The following HHIP variants were observed in gnomAD, a reference collection of about 807,000 sequenced individuals.
HHIP encodes hedgehog interacting protein.
Under a neutral mutation model 74.0 loss-of-function variants are expected in HHIP, and 12 were observed. The ratio of observed to expected loss-of-function variants is 0.16; its 90% CI spans 0.10 to 0.26. The LOEUF is 0.26. HHIP is among the 10% of genes least tolerant of loss of function. The probability of loss-of-function intolerance (pLI) is 1.00; values close to 1 mark genes in which losing one functional copy is unlikely to be tolerated. For synonymous variants in HHIP, 309 were observed against 311.6 expected (o/e 0.99, Z 0.09); for missense variants, 788 against 845.0 (o/e 0.93, Z 0.84).
At position 144,743,627 on chromosome 4, in the gene HHIP, TGTA is replaced by T. The variant is rs1219571537; in HGVS notation, c.*5671_*5673del. The T allele has an allele frequency of 6.6e-6, 1 of 152,062 alleles. No individual in the cohort carries two copies. Among genetic ancestry groups the T allele is most frequent in the Non-Finnish European group, 1.5e-5 (1 of 67,966 alleles). 9.4% of individuals were successfully genotyped at this position (152,062 alleles called of 1,614,324 possible). On this transcript the variant is annotated 3_prime_UTR_variant, in exon 13 of 13. Transcript: ENST00000296575. ...ATTACTTAAATCCAAAATACATGTG[TGTA>T]TATATATACATATATATGTAACTTA...
In HHIP at chr4:144,745,208, T is replaced by A. The variant is rs1731347795; in HGVS notation, c.*7251T>A. 6.6e-6 allele frequency: 1 copy of A among 152,196 alleles called. No homozygotes were observed. Among genetic ancestry groups the A allele is most frequent in the Non-Finnish European group, 1.5e-5 (1 of 68,030 alleles). The allele number at this position is 152,196 out of a possible 1,614,324, so 9.4% of individuals were successfully genotyped here. ...TGTAAATGCATGCCTGAAATTTGGT[T>A]AGATTGGCTGTGTTTTGTGTCTTTT... On this transcript the variant is annotated 3_prime_UTR_variant, in exon 13 of 13. Coordinates refer to ENST00000296575, the MANE Select transcript of HHIP (RefSeq NM_022475.3).
chr4:144,689,009 A>T (rs1044763242), intron 4 of HHIP, among the ~76,000 whole-genome samples: 2 of 152,244 alleles, frequency 1.3e-5, no homozygotes, highest in Non-Finnish European at 2.9e-5. Flanking sequence ...AGTCACAGAT[A>T]AATATCTTCC....
chr4:144,715,702 C>G, intron 10 of HHIP: 1 of 223,754 alleles, frequency 4.5e-6, no homozygotes, highest in South Asian at 1.5e-4. Flanking sequence ...TTTTTTAGTC[C>G]TGAAGAGATA....
At position 144,744,057 on chromosome 4, in the gene HHIP, T is replaced by A. The variant is rs1055451841; in HGVS notation, c.*6100T>A. On this transcript the variant is annotated 3_prime_UTR_variant, in exon 13 of 13. Coordinates refer to ENST00000296575, the MANE Select transcript of HHIP (RefSeq NM_022475.3). ...CCTTATGAGAGATCAGATATTTCCC[T>A]TATCTCATTATATTCACAGCATATG... is the stretch of plus-strand genomic sequence containing the variant. The A allele has an allele frequency of 6.6e-6, 1 of 152,136 alleles. No homozygotes were observed. Among genetic ancestry groups the A allele is most frequent in the Non-Finnish European group, 1.5e-5 (1 of 67,988 alleles). 9.4% of individuals were successfully genotyped at this position (152,136 alleles called of 1,614,324 possible).
rs532062906 is a variant in HHIP, at chr4:144,725,059, C to T, written c.1760+6103C>T. Among the ~76,000 whole-genome samples, 37 of 152,212 alleles carry T rather than the reference C, an allele frequency of 2.4e-4. No homozygotes were observed. In the South Asian group the frequency reaches 7.5e-3, roughly 31 times the overall value. ...ATGCCCACCACTATCTCTTGTAGGA[C>T]AATGCTAGAAGTCTGATATTAGTCC... On this transcript the variant is annotated intron_variant, in intron 11 of 12. Transcript: ENST00000296575.
intron 11 of HHIP, among the ~76,000 whole-genome samples, chr4:144,732,687 C>T (rs774618318): frequency 6.6e-6 from 1 of 152,158 alleles, no homozygotes; most frequent in Non-Finnish European, 1.5e-5. Context: ...ATATTCATGA[C>T]CTAAATGATG....
At chr4:144,647,243 G>T (rs562586590) in intron 1 of HHIP, 2 of 361,100 alleles carry the variant, frequency 5.5e-6, no homozygotes, top group African/African-American at 4.1e-5. Flanking sequence ...TATTTTAAAA[G>T]AATCGCGATG....
At chr4:144,736,069 C>A (rs1731109246) in intron 12 of HHIP, among the ~76,000 whole-genome samples, 1 of 150,772 alleles carries the variant, frequency 6.6e-6, no homozygotes, top group African/African-American at 2.4e-5. Context: ...TAATGATATT[C>A]AAATTCCTGC....
Position 144,698,888 on chromosome 4 carries a change from A to C in HHIP, c.832-7643A>C, listed in dbSNP as rs188736934. The stretch of plus-strand genomic sequence containing the variant: ...TTTATGAACGAAAAGAAAACTACCA[A>C]ATTATTAGAAGTATTCTCAAATAGA... On this transcript the variant is annotated intron_variant, in intron 4 of 12. Coordinates refer to ENST00000296575, the MANE Select transcript of HHIP (RefSeq NM_022475.3). 5.3e-5 allele frequency among the ~76,000 whole-genome samples: 8 copies of C among 152,290 alleles called. No individual in the cohort carries two copies. The East Asian group carries it at 1.5e-3, about 29-fold the overall frequency.
At position 144,738,136 on chromosome 4, in the gene HHIP, T is replaced by A; in HGVS notation, c.*179T>A. 1.5e-6 allele frequency: 2 copies of A among 1,294,924 alleles called. No homozygotes were observed. Among genetic ancestry groups the A allele is most frequent in the Non-Finnish European group, 2.0e-6 (2 of 1,021,066 alleles). The allele number at this position is 1,294,924 out of a possible 1,614,324, so 80.2% of individuals were successfully genotyped here. A position where few individuals can be genotyped will look rare whatever the true frequency, so the allele number is the denominator to read the frequency against. ...GTGTATGTCAGCATGTTTGTTCACA[T>A]ATGCACATACACATACTCATAACCC... On this transcript the variant is annotated 3_prime_UTR_variant, in exon 13 of 13. Transcript: ENST00000296575.
chr4:144,692,107 T>G (rs570464964), intron 4 of HHIP, among the ~76,000 whole-genome samples: 1 of 152,192 alleles, frequency 6.6e-6, no homozygotes, highest in East Asian at 1.9e-4. Flanking sequence ...GCCATCTGGG[T>G]ACTAGTAACT....
intron 1 of HHIP, chr4:144,648,509 A>G (rs1318568832): frequency 1.3e-5 from 2 of 152,218 alleles, no homozygotes; most frequent in Admixed American, 1.3e-4. Context: ...GATTTTATTC[A>G]AAGCAATGTC....
chr4:144,649,274 CA>C (rs1208878433), intron 1 of HHIP, among the ~76,000 whole-genome samples: 3 of 151,384 alleles, frequency 2.0e-5, no homozygotes, highest in Non-Finnish European at 4.4e-5. Context: ...TGCAGCTTTT[CA>C]AGAAACTACA....
At chr4:144,707,969 T>C (rs559955704) in intron 6 of HHIP, among the ~76,000 whole-genome samples, 199 bp from the exon 7 acceptor site, 1 of 152,238 alleles carries the variant, frequency 6.6e-6, no homozygotes, top group Non-Finnish European at 1.5e-5. Flanking sequence ...CCTTGAACTC[T>C]TGGCATTAAA....
At chr4:144,647,868 C>T (rs1161945775) in intron 1 of HHIP, among the ~76,000 whole-genome samples, 3 of 151,958 alleles carry the variant, frequency 2.0e-5, no homozygotes, top group Non-Finnish European at 2.9e-5. Flanking sequence ...TGTCTTTGCT[C>T]CCCCTCCCTT....
intron 4 of HHIP, among the ~76,000 whole-genome samples, chr4:144,705,295 T>C (rs951812086): frequency 2.5e-4 from 38 of 152,246 alleles, no homozygotes; most frequent in Admixed American, 8.5e-4. Context: ...TAGTAACATA[T>C]ACTATTGTGT....
chr4:144,664,645 T>C (rs62346131), intron 4 of HHIP, among the ~76,000 whole-genome samples: 4,233 of 152,330 alleles, frequency 0.028, 98 homozygotes, highest in East Asian at 0.1. Flanking sequence ...CATACACATA[T>C]GGTGATTACT....
At chr4:144,734,526 T>C (rs373547448) in intron 11 of HHIP, among the ~76,000 whole-genome samples, 4 of 152,124 alleles carry the variant, frequency 2.6e-5, no homozygotes, top group African/African-American at 9.7e-5. Flanking sequence ...GAATGTTTAA[T>C]GTGTTTAGTT....
chr4:144,676,932 T>C (rs1420892607), intron 4 of HHIP, among the ~76,000 whole-genome samples: 1 of 152,214 alleles, frequency 6.6e-6, no homozygotes, highest in Non-Finnish European at 1.5e-5. Flanking sequence ...TTAAAGGATA[T>C]GGGCATTGCC....
Sources: gnomAD v4.1 joint callset for allele counts (sites outside exome capture counted in the v4.1 genomes callset) on GRCh38, gnomAD v4.1.1 for gene constraint, MANE v1.5 for transcripts, NCBI Gene and HGNC (gene_info 2026-07-23, HGNC 2026-07-21) for gene names.